The following CTPS2 variants were observed in gnomAD, a reference collection of about 807,000 sequenced individuals.
CTPS2 encodes the protein CTP synthase 2.
CTPS2 carries 19 observed loss-of-function variants against 46.8 expected under a neutral mutation model. The ratio of observed to expected loss-of-function variants is 0.41; its 90% CI spans 0.28 to 0.60. The LOEUF (loss-of-function observed/expected upper bound fraction) is 0.60. Ranked by LOEUF, CTPS2 falls within the 20% of genes least tolerant of loss-of-function variation. CTPS2 has a pLI of 0.35. For synonymous variants in CTPS2, 151 were observed against 165.2 expected, an observed-to-expected ratio of 0.91 and a Z score of 0.66; for missense variants, 286 against 447.6, an observed-to-expected ratio of 0.64 and a Z score of 3.26.
At chrX:16,645,333 G>C (rs144977565) in intron 13 of CTPS2, among the ~76,000 whole-genome samples, 13 of 110,531 alleles carry the variant, frequency 1.2e-4, no homozygotes, top group Admixed American at 4.9e-4. Flanking sequence ...AAACTAACAG[G>C]GGAGACTAAG....
intron 17 of CTPS2, among the ~76,000 whole-genome samples, chrX:16,605,768 C>G (rs1354469588): frequency 8.9e-6 from 1 of 112,881 alleles, no homozygotes; most frequent in Non-Finnish European, 1.9e-5. Flanking sequence ...CAGCTATATT[C>G]TGATTACTTT....
rs149314843 is a variant in CTPS2 at position 16,702,882 on chromosome X, C to T, written c.21G>A (p.Thr7=). The T allele has an allele frequency of 1.2e-5, 15 of 1,207,024 alleles. No individual in the cohort carries two copies. The highest frequency in any genetic ancestry group is 8.8e-5 in the African/African-American group (5 of 56,946). The change falls in exon 2 of 19, where the codon ACG becomes ACA. Residue 7 remains threonine, a synonymous_variant. Coordinates refer to ENST00000359276, the MANE Select transcript of CTPS2 (RefSeq NM_175859.3). ...TACCAATGCCTGAGATGACCCCACC[C>T]GTGACCAGGATGTACTTCATTGGCA... is the stretch of plus-strand genomic sequence containing the variant. MKYILV[T]GGVISGIGKG...
intron 17 of CTPS2, among the ~76,000 whole-genome samples, chrX:16,607,901 A>T (rs924654252): frequency 2.1e-4 from 24 of 113,027 alleles, no homozygotes; most frequent in Non-Finnish European, 3.9e-4. Context: ...ACTCTCCCCA[A>T]ACTAGTATTG....
intron 16 of CTPS2, among the ~76,000 whole-genome samples, chrX:16,616,409 G>A (rs143958807): frequency 1.6e-4 from 18 of 111,901 alleles, no homozygotes; most frequent in Middle Eastern, 4.6e-3. Context: ...GTGGAGAAAG[G>A]CAGGAGAGGA....
intron 2 of CTPS2, among the ~76,000 whole-genome samples, 199 bp from the exon 3 acceptor site, chrX:16,699,292 T>C (rs1924374752): frequency 8.9e-6 from 1 of 112,139 alleles, no homozygotes; most frequent in African/African-American, 3.2e-5. Flanking sequence ...TAATATTCTA[T>C]TGTGGTTTTT....
intron 10 of CTPS2, among the ~76,000 whole-genome samples, chrX:16,674,015 T>G (rs1406537252): frequency 8.9e-6 from 1 of 112,173 alleles, no homozygotes; most frequent in African/African-American, 3.2e-5. Context: ...CAGTGTAATC[T>G]GTAATTGAGA....
intron 9 of CTPS2, among the ~76,000 whole-genome samples, chrX:16,679,084 G>T (rs1235133573): frequency 9.0e-6 from 1 of 111,029 alleles, no homozygotes; most frequent in Non-Finnish European, 1.9e-5. Context: ...CAGGCCGGGC[G>T]CATTGGCTCA....
At chrX:16,678,309 G>T in intron 10 of CTPS2, 53 bp downstream of exon 10, 4 of 815,764 alleles carry the variant, frequency 4.9e-6, no homozygotes, top group African/African-American at 2.0e-5. Flanking sequence ...AATCATTACA[G>T]AAAAAGTACA....
At chrX:16,631,323 G>A (rs975626877) in intron 14 of CTPS2, among the ~76,000 whole-genome samples, 10 of 107,250 alleles carry the variant, frequency 9.3e-5, no homozygotes, top group Non-Finnish European at 1.5e-4. Context: ...ACTCCAGCCT[G>A]GGCGACAGAG....
chrX:16,700,771 G>A (rs746737601), intron 2 of CTPS2, among the ~76,000 whole-genome samples: 2 of 111,089 alleles, frequency 1.8e-5, no homozygotes, highest in African/African-American at 3.3e-5. Context: ...CAGACTGAAC[G>A]AGAAATCTCT....
intron 10 of CTPS2, among the ~76,000 whole-genome samples, chrX:16,676,994 G>A (rs778047145): frequency 1.9e-5 from 2 of 106,522 alleles, no homozygotes; most frequent in East Asian, 6.0e-4. Context: ...GGGAGGCGGA[G>A]GTTGCAGTGA....
At chrX:16,685,467 A>G (rs1405203380) in intron 8 of CTPS2, among the ~76,000 whole-genome samples, 2 of 110,381 alleles carry the variant, frequency 1.8e-5, no homozygotes, top group African/African-American at 6.6e-5. Context: ...ATCAGCCATC[A>G]CCGAATGTGA....
At chrX:16,702,271 G>A (rs939915188) in intron 2 of CTPS2, among the ~76,000 whole-genome samples, 8 of 111,506 alleles carry the variant, frequency 7.2e-5, no homozygotes, top group South Asian at 3.7e-4. Flanking sequence ...AGCCAGGATG[G>A]TCTCGATCTT....
chrX:16,600,977 T>A (rs1217330732), intron 17 of CTPS2, among the ~76,000 whole-genome samples: 1 of 111,325 alleles, frequency 9.0e-6, no homozygotes, highest in Non-Finnish European at 1.9e-5. Context: ...AGTAGTGACT[T>A]GGACAAAATT....
chrX:16,678,266 A>T (rs1922443492), intron 10 of CTPS2, 96 bp downstream of exon 10: 2 of 589,875 alleles, frequency 3.4e-6, no homozygotes, highest in African/African-American at 2.2e-5. Flanking sequence ...CTACCTTTCA[A>T]AATGCATGAA....
chrX:16,662,698 CTT>C (rs760420123), intron 13 of CTPS2, among the ~76,000 whole-genome samples: 143 of 94,075 alleles, frequency 1.5e-3, no homozygotes, highest in Middle Eastern at 5.3e-3. Flanking sequence ...TCTCCTTAGT[CTT>C]TTTTTTTTTT....
Position 16,698,257 on chromosome X carries a change from C to G in CTPS2, c.417G>C (p.Glu139Asp), listed in dbSNP as rs1924274054. Reference protein sequence around the residue: ...AKVPVDGNKEEPQICVIELGG... With the variant: ...AKVPVDGNKEDPQICVIELGG... ...TTGCCTCAATAACGCATATTTGGGG[C>G]TCTTCCTTATTACCATCCACCGGCA... Residue 139 changes from glutamate to aspartate, a missense_variant, in exon 4 of 19, where the codon GAG becomes GAC. Coordinates refer to ENST00000359276, the MANE Select transcript of CTPS2 (RefSeq NM_175859.3). 8.3e-7 allele frequency: 1 copy of G among 1,204,074 alleles called. No homozygotes were observed. Among genetic ancestry groups the G allele is most frequent in the Non-Finnish European group, 1.1e-6 (1 of 888,618 alleles).
intron 17 of CTPS2, among the ~76,000 whole-genome samples, chrX:16,593,987 T>C (rs1380553842): frequency 3.6e-5 from 4 of 111,479 alleles, no homozygotes; most frequent in African/African-American, 6.5e-5. Flanking sequence ...TTTTGTGTCA[T>C]AGAATTAGCC....
intron 13 of CTPS2, among the ~76,000 whole-genome samples, chrX:16,661,290 G>A (rs1324872549): frequency 8.9e-6 from 1 of 111,893 alleles, no homozygotes; most frequent in African/African-American, 3.2e-5. Context: ...CTACTTTTAT[G>A]GGAAAAAGGA....
Sources: allele counts gnomAD v4.1 joint callset (sites outside exome capture counted in the v4.1 genomes callset), GRCh38; gene constraint gnomAD v4.1.1; transcripts MANE v1.5; gene names NCBI Gene and HGNC (gene_info 2026-07-23, HGNC 2026-07-21).